MAP4: variants seen among roughly 807,000 people sequenced by gnomAD.
MAP4 encodes the protein microtubule associated protein 4.
MAP4 carries 76 observed loss-of-function variants against 170.2 expected under a neutral mutation model. The ratio of observed to expected loss-of-function variants is 0.45; its 90% confidence interval spans 0.37 to 0.54. The LOEUF is 0.54. Among genes scored for constraint, MAP4 ranks in the 20% least tolerant of loss-of-function variants. The pLI, the probability that MAP4 is intolerant of heterozygous loss-of-function variation, is 0.00. For missense variants in MAP4, 2,506 were observed against 2,748.0 expected, an observed-to-expected ratio of 0.91 and a Z score of 1.97; for synonymous variants, 909 against 994.5, an observed-to-expected ratio of 0.91 and a Z score of 1.62.
At chr3:47,962,239 A>C (rs969822609) in intron 3 of MAP4, among the ~76,000 whole-genome samples, 1 of 152,212 alleles carries the variant, frequency 6.6e-6, no homozygotes, top group Non-Finnish European at 1.5e-5. Context: ...GCTCAGCAAG[A>C]AGCAGCACTG....
chr3:48,045,976 C>T (rs2100124344), intron 1 of MAP4, among the ~76,000 whole-genome samples: 1 of 149,472 alleles, frequency 6.7e-6, no homozygotes. Flanking sequence ...AAATTTCTTG[C>T]ATCACTTCTT....
chr3:48,022,004 CAA>C (rs1343380036), intron 1 of MAP4, among the ~76,000 whole-genome samples: 2 of 151,938 alleles, frequency 1.3e-5, no homozygotes, highest in Non-Finnish European at 2.9e-5. Flanking sequence ...CAAAACAAAA[CAA>C]GAGGCCAATG....
chr3:47,905,734 C>T (rs111774129), intron 9 of MAP4, among the ~76,000 whole-genome samples: 3,967 of 151,978 alleles, frequency 0.026, 170 homozygotes, highest in African/African-American at 0.09. Context: ...TAGCTCATGC[C>T]TGTAATCCCA....
Position 47,916,616 on chromosome 3 carries a change from A to G in MAP4, c.1211T>C (p.Ile404Thr). 1 of 1,614,190 alleles carries G rather than the reference A, an allele frequency of 6.2e-7. No individual in the cohort carries two copies. Among genetic ancestry groups the G allele is most frequent in the Non-Finnish European group, 8.5e-7 (1 of 1,180,038 alleles). The change falls in exon 7 of 21, where the codon ATA becomes ACA. Residue 404 changes from isoleucine to threonine, a missense_variant. Transcript: ENST00000683076. ...KDMGPPKENK[I>T]VPAKDLVLLS... ...TAATACCAAATCCTTGGCTGGGACTATCTTGTTTTCTTTGGGTGGTCCCAT... is the reference window on the plus strand; with the variant it reads ...TAATACCAAATCCTTGGCTGGGACTGTCTTGTTTTCTTTGGGTGGTCCCAT...
intron 1 of MAP4, among the ~76,000 whole-genome samples, chr3:48,061,255 C>T (rs2100135084): frequency 6.7e-6 from 1 of 150,012 alleles, no homozygotes; most frequent in South Asian, 2.2e-4. Context: ...CGAAGCTGGA[C>T]TGTACTGCTG....
intron 9 of MAP4, among the ~76,000 whole-genome samples, chr3:47,905,093 C>T (rs2100032203): frequency 6.6e-6 from 1 of 152,130 alleles, no homozygotes; most frequent in Non-Finnish European, 1.5e-5. Flanking sequence ...GGGCAGTTAA[C>T]ATGAATGATT....
chr3:47,959,368 G>A (rs1261310538), intron 3 of MAP4, among the ~76,000 whole-genome samples: 2 of 152,022 alleles, frequency 1.3e-5, no homozygotes, highest in East Asian at 1.9e-4. Context: ...TGAGAGGCAG[G>A]AGAATCGCTT....
At chr3:47,988,298 C>A (rs2100090124) in intron 2 of MAP4, among the ~76,000 whole-genome samples, 1 of 151,264 alleles carries the variant, frequency 6.6e-6, no homozygotes, top group Admixed American at 6.6e-5. Context: ...ATGTTTGATG[C>A]TGGTGAATGA....
In MAP4 at chr3:48,043,112, A is replaced by T. The variant is rs10470685; in HGVS notation, c.-19-44233T>A. ...AATTGTACATTTTATTTATTTATTT[A>T]TTTTTTGTGATGGAGTCTTGCTCTG... On this transcript the variant is annotated intron_variant, in intron 1 of 18. Transcript: ENST00000360240. Among the ~76,000 whole-genome samples, 305 of 152,212 alleles carry T rather than the reference A, an allele frequency of 2.0e-3. 1 individual carries two copies. The highest frequency in any genetic ancestry group is 7.1e-3 in the African/African-American group (293 of 41,554).
At chr3:48,020,259 T>C (rs2100109916), upstream of MAP4, among the ~76,000 whole-genome samples, 1 of 152,220 alleles carries the variant, frequency 6.6e-6, no homozygotes, top group African/African-American at 2.4e-5. Flanking sequence ...ATGGCTAGGA[T>C]AGCATCTTTC....
intron 1 of MAP4, among the ~76,000 whole-genome samples, chr3:48,070,137 T>C (rs1397336669): frequency 1.3e-5 from 2 of 151,692 alleles, no homozygotes; most frequent in Non-Finnish European, 2.9e-5. Flanking sequence ...GGCTAGATAA[T>C]TTTTTTTAAC....
In MAP4 at chr3:47,909,535, T is replaced by C; in HGVS notation, c.4886A>G (p.Lys1629Arg). Residue 1629 changes from lysine (K) to arginine (R), a missense_variant, in exon 9 of 21, where the codon AAA (lysine) becomes AGA (arginine). Lys to Arg is a conservative substitution (Grantham distance 26). Transcript: ENST00000683076. ...CTCACAAAAACTGAGCTTTTGTGCT[T>C]TGTCTTCCAGTAAGTCAGGAATCTG... ...AVQIPDLLED[K>R]AQKLSFCEDQ... 1 of 1,612,924 alleles carries C rather than the reference T, an allele frequency of 6.2e-7. No individual in the cohort carries two copies. Among genetic ancestry groups the C allele is most frequent in the African/African-American group, 1.3e-5 (1 of 75,062 alleles).
In MAP4 at chr3:47,871,897, G is replaced by A; in HGVS notation, c.5941+20C>T. The stretch of plus-strand genomic sequence containing the variant: ...ATTTTCCCCTCCCTAGTTCCCATGG[G>A]AGAGAAAGGCAATACTCACCAGTGG... On this transcript the variant is annotated intron_variant, in intron 13 of 20. Transcript: ENST00000683076. 6.3e-7 allele frequency: 1 copy of A among 1,594,022 alleles called. No homozygotes were observed. Among genetic ancestry groups the A allele is most frequent in the Non-Finnish European group, 8.6e-7 (1 of 1,166,018 alleles).
At chr3:48,082,797 C>CAAAAAAAAA (rs1294638726) in intron 1 of MAP4, among the ~76,000 whole-genome samples, 14 of 49,012 alleles carry the variant, frequency 2.9e-4, no homozygotes, top group Middle Eastern at 7.9e-3. Context: ...GACTTTGTCT[C>CAAAAAAAAA]AAAAAAAAAA....
At chr3:47,853,504 T>G (rs1008521675) in intron 19 of MAP4, 152 bp from the exon 20 acceptor site, 1 of 616,414 alleles carries the variant, frequency 1.6e-6, no homozygotes, top group Non-Finnish European at 2.7e-6. Context: ...CCCAGGCAGG[T>G]GCCCCGGCCC....
At chr3:48,070,278 C>T (rs552824945) in intron 1 of MAP4, among the ~76,000 whole-genome samples, 3 of 152,038 alleles carry the variant, frequency 2.0e-5, no homozygotes, top group Non-Finnish European at 2.9e-5. Flanking sequence ...ATCCTCCCAC[C>T]TCAGCCTCCC....
At chr3:48,012,652 C>A (rs1025019837) in intron 1 of MAP4, among the ~76,000 whole-genome samples, 1 of 152,000 alleles carries the variant, frequency 6.6e-6, no homozygotes, top group Non-Finnish European at 1.5e-5. Flanking sequence ...ACCCTCAGCA[C>A]CCCCACCCCG....
At chr3:47,930,482 A>C (rs1317443620) in intron 3 of MAP4, among the ~76,000 whole-genome samples, 2 of 152,000 alleles carry the variant, frequency 1.3e-5, no homozygotes, top group Admixed American at 6.6e-5. Context: ...AAACAAAAAA[A>C]ACAAAAGACA....
At chr3:48,002,987 A>AATTAATTAATT (rs1559772777) in intron 1 of MAP4, among the ~76,000 whole-genome samples, 7 of 149,360 alleles carry the variant, frequency 4.7e-5, no homozygotes, top group African/African-American at 1.8e-4. Flanking sequence ...ATAAATAAAT[A>AATTAATTAATT]AATAAATTTA....
Sources: gnomAD v4.1 joint callset for allele counts (sites outside exome capture counted in the v4.1 genomes callset) on GRCh38, gnomAD v4.1.1 for gene constraint, MANE v1.5 for transcripts, NCBI Gene and HGNC (gene_info 2026-07-23, HGNC 2026-07-21) for gene names.